Variants in VIRMA observed in about 807,000 individuals in gnomAD.
VIRMA encodes vir like m6A methyltransferase associated.
VIRMA carries 65 observed loss-of-function variants against 182.4 expected under a neutral mutation model. That is an observed-to-expected ratio of 0.36 (90% CI 0.29 to 0.44). The LOEUF (loss-of-function observed/expected upper bound fraction) is 0.44, where lower values mean the gene tolerates loss of function less well. VIRMA is among the 20% of genes least tolerant of loss of function. VIRMA has a pLI of 1.00. For synonymous variants in VIRMA, 709 were observed against 743.1 expected, an observed-to-expected ratio of 0.95 and a Z score of 0.75; for missense variants, 1,752 against 2,158.1, an observed-to-expected ratio of 0.81 and a Z score of 3.73.
At chr8:94,549,481 A>G (rs1385198393) in intron 1 of VIRMA, among the ~76,000 whole-genome samples, 1 of 152,176 alleles carries the variant, frequency 6.6e-6, no homozygotes, top group Non-Finnish European at 1.5e-5. Flanking sequence ...TCCCGTTCCC[A>G]TCAAACTCAC....
intron 2 of VIRMA, among the ~76,000 whole-genome samples, chr8:94,541,679 T>A (rs1226178089): frequency 2.6e-5 from 4 of 152,032 alleles, no homozygotes; most frequent in Non-Finnish European, 5.9e-5. Context: ...GTAGCTGGGA[T>A]TACAGGTGTG....
rs756647072 is a variant in VIRMA, at chr8:94,526,451, TTTG to T, written c.1790_1792del (p.Thr597del). 6.2e-6 allele frequency: 10 copies of T among 1,613,922 alleles called. No individual in the cohort carries two copies. The highest frequency in any genetic ancestry group is 1.7e-4 in the Middle Eastern group (1 of 6,060). On this transcript the variant is annotated inframe_deletion, in exon 8 of 24. Coordinates refer to ENST00000297591, the MANE Select transcript of VIRMA (RefSeq NM_015496.5). ...TTCCACCTCATTTTCATATTCTGGGTTTGTTCTCTCAAGTCCAGCATCTGTGTC... is the reference window on the plus strand; with the variant it reads ...TTCCACCTCATTTTCATATTCTGGGTTTCTCTCAAGTCCAGCATCTGTGTC...
chr8:94,531,051 G>A lies in VIRMA; in HGVS notation c.519C>T (p.Ser173=). The part of the protein sequence containing the change: ...DGEKEDQFNG[S]PPRPQPRGPR... ...GTCCCCTTGGCTGTGGTCTTGGAGG[G>A]CTTCCATTAAACTGATCTTCTTTCT... The change falls in exon 6 of 24, where the codon AGC becomes AGT. Residue 173 remains serine, a synonymous_variant. Transcript: ENST00000297591. 2 of 1,590,892 alleles carry A rather than the reference G, an allele frequency of 1.3e-6. No homozygotes were observed. Among genetic ancestry groups the A allele is most frequent in the Non-Finnish European group, 1.7e-6 (2 of 1,170,768 alleles).
chr8:94,496,759 C>A (rs186047731), intron 17 of VIRMA: 116 of 285,160 alleles, frequency 4.1e-4, no homozygotes, highest in African/African-American at 2.3e-3. Flanking sequence ...AGTTGTAGGA[C>A]GTGACACACT....
chr8:94,499,947 G>A (rs973022391), intron 16 of VIRMA, among the ~76,000 whole-genome samples: 2 of 151,260 alleles, frequency 1.3e-5, no homozygotes, highest in Non-Finnish European at 2.9e-5. Flanking sequence ...TACTCGGGAG[G>A]AGGTGAGGCA....
intron 20 of VIRMA, among the ~76,000 whole-genome samples, chr8:94,494,591 C>CAAAAAAAAAAAA (rs1175058697): frequency 2.3e-5 from 1 of 42,924 alleles, no homozygotes; most frequent in African/African-American, 1.0e-4. Context: ...GACTCTGTCT[C>CAAAAAAAAAAAA]AAAAAAAAAA....
Position 94,526,253 on chromosome 8 carries a change from T to C in VIRMA, c.1991A>G (p.Glu664Gly). 2 of 1,613,342 alleles carry C rather than the reference T, an allele frequency of 1.2e-6. No individual in the cohort carries two copies. The highest frequency in any genetic ancestry group is 1.7e-6 in the Non-Finnish European group (2 of 1,179,600). ...GAGAACAGGGTATGGATCATCCCTCTCTGGAGGTCCAGTAATTCGTGCCAT... is the reference window on the plus strand; with the variant it reads ...GAGAACAGGGTATGGATCATCCCTCCCTGGAGGTCCAGTAATTCGTGCCAT... ...PTMARITGPP[E>G]RDDPYPVLFR... The change falls in exon 8 of 24, where the codon GAG (glutamate) becomes GGG (glycine). Residue 664 changes from glutamate to glycine, a missense_variant. By Grantham distance (98) the Glu-to-Gly change is moderately conservative. This residue lies in a region of VIRMA where 401 missense variants were observed against 455.1 expected (regional missense o/e 0.88). Transcript: ENST00000297591.
chr8:94,530,551 G>A (rs537709804), intron 6 of VIRMA, among the ~76,000 whole-genome samples: 12 of 151,828 alleles, frequency 7.9e-5, no homozygotes, highest in African/African-American at 2.7e-4. Context: ...AAAACACAAG[G>A]AAATACTGCA....
chr8:94,544,026 A>G, intron 1 of VIRMA, 84 bp from the exon 2 acceptor site: 3 of 698,710 alleles, frequency 4.3e-6, no homozygotes, highest in South Asian at 1.7e-5. Context: ...TTCATTCACA[A>G]TGTCACATGT....
rs1470792854 is a variant in VIRMA, at chr8:94,519,244, C to T, written c.2254G>A (p.Val752Ile). 6.2e-7 allele frequency: 1 copy of T among 1,614,154 alleles called. No individual in the cohort carries two copies. The highest frequency in any genetic ancestry group is 1.7e-5 in the Admixed American group (1 of 60,024). The change falls in exon 9 of 24, where the codon GTT becomes ATT. Residue 752 changes from valine (V) to isoleucine (I), a missense_variant. Val to Ile is a conservative substitution (Grantham distance 29, BLOSUM62 3). This residue lies in a region of VIRMA where 45 missense variants were observed against 91.0 expected (regional missense o/e 0.49). Coordinates refer to ENST00000297591, the MANE Select transcript of VIRMA (RefSeq NM_015496.5). Reference protein sequence around the residue: ...DEEEGLQSDGVIDDAFALWLQ... With the variant: ...DEEEGLQSDGIIDDAFALWLQ... ...CACAAGGCAAATGCATCATCAATAACACCATCAGATTGGAGACCTTCCTCC... is the reference window on the plus strand; with the variant it reads ...CACAAGGCAAATGCATCATCAATAATACCATCAGATTGGAGACCTTCCTCC...
Position 94,511,680 on chromosome 8 carries a change from A to G in VIRMA, c.2895T>C (p.Ser965=). 6.2e-7 allele frequency: 1 copy of G among 1,613,962 alleles called. No homozygotes were observed. Among genetic ancestry groups the G allele is most frequent in the Non-Finnish European group, 8.5e-7 (1 of 1,179,842 alleles). ...KWNLAVIQLF[S]AEGMDTFIRV... The stretch of plus-strand genomic sequence containing the variant: ...GAATAAACGTGTCCATTCCTTCAGC[A>G]GAAAAAAGCTGAATAACGGCAAGAT... The change falls in exon 13 of 24, where the codon TCT becomes TCC. Residue 965 remains serine (S), a synonymous_variant. Transcript: ENST00000297591.
intron 1 of VIRMA, among the ~76,000 whole-genome samples, chr8:94,550,290 AT>A (rs11356608): frequency 0.35 from 50,161 of 142,906 alleles, 7,812 homozygotes; most frequent in South Asian, 0.5. Context: ...TCTCTGAACC[AT>A]TTTTTTTTTT....
Position 94,488,876 on chromosome 8 carries a change from T to C in VIRMA, c.5285-16A>G. The C allele has an allele frequency of 6.2e-6, 10 of 1,606,898 alleles. No homozygotes were observed. In the South Asian group the frequency reaches 6.6e-5, roughly 11 times the overall value. ...GGGCGGTAACCTGTAAAAGAAAGAATACAGTTTTTAGTTCCAATGTCCTTT... is the reference window on the plus strand; with the variant it reads ...GGGCGGTAACCTGTAAAAGAAAGAACACAGTTTTTAGTTCCAATGTCCTTT... On this transcript the variant is annotated splice_polypyrimidine_tract_variant and intron_variant, in intron 23 of 23. Coordinates refer to ENST00000297591, the MANE Select transcript of VIRMA (RefSeq NM_015496.5).
At position 94,526,754 on chromosome 8, in the gene VIRMA, G is replaced by A. The variant is rs1402392893; in HGVS notation, c.1490C>T (p.Ser497Phe). Residue 497 changes from serine to phenylalanine, a missense_variant, in exon 8 of 24, where the codon TCT becomes TTT. Physicochemically the swap from Ser to Phe is radical, Grantham distance 155. Coordinates refer to ENST00000297591, the MANE Select transcript of VIRMA (RefSeq NM_015496.5). ...TTTAAAAGCATTTAACTTAAGAGAA[G>A]ATGATACGTGATCAGCAAACAGAAG... The part of the protein sequence containing the change: ...FELLFADHVS[S>F]SLKLNAFKAL... 1 of 1,613,964 alleles carries A rather than the reference G, an allele frequency of 6.2e-7. No individual in the cohort carries two copies. Among genetic ancestry groups the A allele is most frequent in the Non-Finnish European group, 8.5e-7 (1 of 1,180,034 alleles).
intron 7 of VIRMA, among the ~76,000 whole-genome samples, chr8:94,528,593 T>A (rs1815051982): frequency 6.6e-6 from 1 of 152,238 alleles, no homozygotes; most frequent in Non-Finnish European, 1.5e-5. Context: ...TGTATCATAC[T>A]GCCACATGTA....
chr8:94,511,154 T>C, intron 13 of VIRMA, 31 bp downstream of exon 13: 1 of 1,595,904 alleles, frequency 6.3e-7, no homozygotes, highest in Non-Finnish European at 8.5e-7. Context: ...CTGCAGTCAT[T>C]TATAAGATGC....
chr8:94,542,250 G>A (rs1421847257), intron 2 of VIRMA, among the ~76,000 whole-genome samples: 1 of 152,192 alleles, frequency 6.6e-6, no homozygotes, highest in Non-Finnish European at 1.5e-5. Context: ...ACTGCCTGTG[G>A]CTTCTTTCTT....
Position 94,519,046 on chromosome 8 carries a change from G to A in VIRMA, c.2452C>T (p.Leu818=). ...ATAAGACTTTGGAGATTTTTCTCCA[G>A]ACTAAAAACATGGCCAACAGCTGAT... The part of the protein sequence containing the change: ...GRSAVGHVFS[L]EKNLQSLITL... The change falls in exon 9 of 24, where the codon CTG becomes TTG. Residue 818 remains leucine (L), a synonymous_variant. Coordinates refer to ENST00000297591, the MANE Select transcript of VIRMA (RefSeq NM_015496.5). The A allele has an allele frequency of 1.2e-6, 2 of 1,613,658 alleles. No individual in the cohort carries two copies. Among genetic ancestry groups the A allele is most frequent in the Non-Finnish European group, 8.5e-7 (1 of 1,179,764 alleles).
At position 94,510,460 on chromosome 8, in the gene VIRMA, T is replaced by G; in HGVS notation, c.3583A>C (p.Ile1195Leu). 6.2e-7 allele frequency: 1 copy of G among 1,614,094 alleles called. No homozygotes were observed. Among genetic ancestry groups the G allele is most frequent in the Non-Finnish European group, 8.5e-7 (1 of 1,179,994 alleles). ...ATCAAATCCAACACAGTTCTCATAA[T>G]CAGAAGTGCAGTTGGTGAGGCAAGG... Reference protein sequence around the residue: ...CDLASPTALLIMRTVLDLIVE... With the variant: ...CDLASPTALLLMRTVLDLIVE... Residue 1195 changes from isoleucine to leucine, a missense_variant, in exon 14 of 24, where the codon ATT becomes CTT. Physicochemically the swap from Ile to Leu is conservative, Grantham distance 5 (BLOSUM62 2). Around this residue, in one of 11 missense-constraint regions of VIRMA, gnomAD observed 777 missense variants for 920.6 expected, o/e 0.84. Transcript: ENST00000297591.
Sources: allele counts gnomAD v4.1 joint callset (sites outside exome capture counted in the v4.1 genomes callset), GRCh38; gene constraint gnomAD v4.1.1; regional missense constraint gnomAD v4.1.1; transcripts MANE v1.5; gene names NCBI Gene and HGNC (gene_info 2026-07-23, HGNC 2026-07-21).